Variants in EBF3 observed in about 807,000 individuals in gnomAD.
EBF3 encodes transcription factor COE3.
Under a neutral mutation model 77.1 loss-of-function variants are expected in EBF3, and 18 were observed. The ratio of observed to expected loss-of-function variants is 0.23; its 90% CI spans 0.16 to 0.35. The LOEUF (loss-of-function observed/expected upper bound fraction) is 0.35. Ranked by LOEUF, EBF3 falls within the 10% of genes least tolerant of loss-of-function variation. EBF3 has a pLI of 1.00. For synonymous variants in EBF3, 350 were observed against 343.5 expected (o/e 1.02, Z -0.21); for missense variants, 558 against 860.0 (o/e 0.65, Z 4.39).
At chr10:129,933,956 G>A (rs541640217) in intron 6 of EBF3, among the ~76,000 whole-genome samples, 33 of 152,268 alleles carry the variant, frequency 2.2e-4, no homozygotes, top group South Asian at 1.7e-3. Flanking sequence ...AGAACCATCC[G>A]GGACACAGAC....
chr10:129,917,077 G>A (rs1329688959), intron 6 of EBF3, among the ~76,000 whole-genome samples: 1 of 152,220 alleles, frequency 6.6e-6, no homozygotes, highest in African/African-American at 2.4e-5. Context: ...TGTATTAAAA[G>A]TGGGACACAG....
At chr10:129,872,127 T>G (rs1006005423) in intron 8 of EBF3, among the ~76,000 whole-genome samples, 1 of 152,198 alleles carries the variant, frequency 6.6e-6, no homozygotes, top group Admixed American at 6.5e-5. Context: ...GACTACAACC[T>G]AACACCAGAG....
At chr10:129,951,142 C>T (rs905576303) in intron 6 of EBF3, among the ~76,000 whole-genome samples, 2 of 152,240 alleles carry the variant, frequency 1.3e-5, no homozygotes, top group Non-Finnish European at 2.9e-5. Context: ...ACGAGGCCAG[C>T]TTCTCCTGCT....
intron 15 of EBF3, among the ~76,000 whole-genome samples, chr10:129,839,849 C>A (rs1029670545): frequency 3.9e-5 from 6 of 152,226 alleles, no homozygotes; most frequent in African/African-American, 1.4e-4. Flanking sequence ...ATGGGCAGGG[C>A]AGCATCCTGC....
rs1318579690 is a variant in EBF3, at chr10:129,838,568, C to T, written c.1872+515G>A. Among the ~76,000 whole-genome samples, 3 of 152,244 alleles carry T rather than the reference C, an allele frequency of 2.0e-5. No homozygotes were observed. The East Asian group carries it at 5.8e-4, about 30-fold the overall frequency. ...CCTCCAGGCAAGGGCCACGGAGAGA[C>T]GTGAGTCATGGCACCGCCTCGGGAC... On this transcript the variant is annotated intron_variant, in intron 16 of 16. Coordinates refer to ENST00000440978, the MANE Select transcript of EBF3 (RefSeq NM_001375380.1).
intron 6 of EBF3, among the ~76,000 whole-genome samples, chr10:129,955,350 T>G (rs1277300465): frequency 6.6e-6 from 1 of 152,354 alleles, no homozygotes; most frequent in Non-Finnish European, 1.5e-5. Flanking sequence ...AAAGCATTTA[T>G]GCCAGGCGTA....
intron 3 of EBF3, 56 bp from the exon 4 acceptor site, chr10:129,962,282 G>C: frequency 1.3e-5 from 21 of 1,564,772 alleles, no homozygotes; most frequent in Non-Finnish European, 1.8e-5. Context: ...ACCTCGGGGA[G>C]GGCACACGGA....
intron 6 of EBF3, among the ~76,000 whole-genome samples, chr10:129,899,575 T>C (rs1199968972): frequency 1.3e-5 from 2 of 152,182 alleles, no homozygotes; most frequent in Non-Finnish European, 2.9e-5. Context: ...GAAACGGACA[T>C]GTCCCAGTTG....
rs1853524008 is a variant in EBF3, at chr10:129,885,669, C to A, written c.555-7820G>T. On this transcript the variant is annotated intron_variant, in intron 6 of 16. Transcript: ENST00000440978. The surrounding 1 kb of genome is among the most constrained non-coding windows in gnomAD (Gnocchi z 4.0). ...CAGATCACGCGCCCTGTCAATCAGT[C>A]TGTATTTTGTCTTTCGCTGCGGGCT... is the stretch of plus-strand genomic sequence containing the variant. Among the ~76,000 whole-genome samples the A allele has an allele frequency of 6.6e-6, 1 of 152,172 alleles. No homozygotes were observed. Among genetic ancestry groups the A allele is most frequent in the Non-Finnish European group, 1.5e-5 (1 of 68,036 alleles).
chr10:129,949,200 C>G (rs1236965577), intron 6 of EBF3, among the ~76,000 whole-genome samples: 1 of 152,228 alleles, frequency 6.6e-6, no homozygotes, highest in Non-Finnish European at 1.5e-5. Flanking sequence ...ACTCGGTAGG[C>G]TGAGGCAGGA....
chr10:129,917,984 C>G (rs1467032273), intron 6 of EBF3, among the ~76,000 whole-genome samples: 1 of 152,204 alleles, frequency 6.6e-6, no homozygotes, highest in East Asian at 1.9e-4. Context: ...AGGCCAACCA[C>G]TTGGTATTGA....
intron 9 of EBF3, 84 bp from the exon 10 acceptor site, chr10:129,867,351 A>C: frequency 6.3e-7 from 1 of 1,575,262 alleles, no homozygotes; most frequent in East Asian, 2.3e-5. Flanking sequence ...AATTACCAAA[A>C]TGAGCACAAA....
intron 8 of EBF3, 65 bp from the exon 9 acceptor site, chr10:129,867,977 G>T (rs963796769): frequency 1.3e-6 from 2 of 1,580,422 alleles, no homozygotes; most frequent in Non-Finnish European, 1.7e-6. Flanking sequence ...TGGGCCGCTC[G>T]GCCACCGCGC....
chr10:129,962,815 C>A, intron 3 of EBF3, 127 bp downstream of exon 3: 1 of 1,112,982 alleles, frequency 9.0e-7, no homozygotes, highest in South Asian at 1.4e-5. Context: ...TGTTTTCCTT[C>A]TATGCCATGA....
At chr10:129,904,457 G>A (rs544554470) in intron 6 of EBF3, among the ~76,000 whole-genome samples, 1 of 152,174 alleles carries the variant, frequency 6.6e-6, no homozygotes, top group Non-Finnish European at 1.5e-5. Context: ...TAAATGGATG[G>A]ATGGACAGAC....
chr10:129,841,047 C>CCCA lies in EBF3; in HGVS notation c.1373-16_1373-15insTGG, dbSNP rs1554892421. ...ACTGTAGCCGACTGTTGAAATCCCCCCCCCGGCCAAAAATAACATTATTAT... is the reference window on the plus strand; with the variant it reads ...ACTGTAGCCGACTGTTGAAATCCCCCCCACCCCGGCCAAAAATAACATTATTAT... On this transcript the variant is annotated splice_polypyrimidine_tract_variant and intron_variant, in intron 13 of 16. Transcript: ENST00000440978. This position sits in a 1 kb window ranked among gnomAD's most constrained non-coding sequence, Gnocchi z 4.6. 34 of 1,604,306 alleles carry CCCA rather than the reference C, an allele frequency of 2.1e-5. No homozygotes were observed. The highest frequency in any genetic ancestry group is 4.5e-5 in the East Asian group (2 of 44,786).
Position 129,924,898 on chromosome 10 carries a change from C to T in EBF3, c.554+32360G>A, listed in dbSNP as rs1023046810. ...TTGCTTAGGCTGGTCTCAAACTCCA[C>T]GGCTCAAGTGATCCTCCTACCTCCC... On this transcript the variant is annotated intron_variant, in intron 6 of 16. Transcript: ENST00000440978. 1.4e-4 allele frequency among the ~76,000 whole-genome samples: 21 copies of T among 152,208 alleles called. No individual in the cohort carries two copies. The East Asian group carries it at 2.3e-3, about 17-fold the overall frequency.
rs1851623041 is a variant in EBF3, at chr10:129,861,343, C to T, written c.1039+5798G>A. Among the ~76,000 whole-genome samples the T allele has an allele frequency of 6.6e-6, 1 of 152,166 alleles. No individual in the cohort carries two copies. The highest frequency in any genetic ancestry group is 2.1e-4 in the South Asian group (1 of 4,830). ...CACTTGGTACGAAAAAAAAAGTCAC[C>T]CTTTGCCATCCATATTTAAACAAAG... is the stretch of plus-strand genomic sequence containing the variant. On this transcript the variant is annotated intron_variant, in intron 10 of 16. Coordinates refer to ENST00000440978, the MANE Select transcript of EBF3 (RefSeq NM_001375380.1). The surrounding 1 kb of genome is among the most constrained non-coding windows in gnomAD (Gnocchi z 4.3).
chr10:129,927,742 G>A (rs1458057993), intron 6 of EBF3, among the ~76,000 whole-genome samples: 1 of 152,124 alleles, frequency 6.6e-6, no homozygotes, highest in Non-Finnish European at 1.5e-5. Flanking sequence ...AGGACAGTTG[G>A]GTCCCTTATC....
Sources: allele counts gnomAD v4.1 joint callset (sites outside exome capture counted in the v4.1 genomes callset), GRCh38; gene constraint gnomAD v4.1.1; non-coding constraint Gnocchi (gnomAD v3.1); transcripts MANE v1.5; gene names NCBI Gene and HGNC (gene_info 2026-07-23, HGNC 2026-07-21).